The following VPS13C variants were observed in gnomAD, a reference collection of about 807,000 sequenced individuals.
VPS13C encodes intermembrane lipid transfer protein VPS13C.
In VPS13C, 358 loss-of-function variants were observed where a neutral mutation model predicts 456.8. That is an observed-to-expected ratio of 0.78 (90% confidence interval 0.72 to 0.86). The LOEUF (loss-of-function observed/expected upper bound fraction) is 0.86, where lower values mean the gene tolerates loss of function less well. Among genes scored for constraint, VPS13C ranks in the 40% least tolerant of loss-of-function variants. The pLI is 0.00. For synonymous variants in VPS13C, 1,578 were observed against 1,486.7 expected (o/e 1.06, Z -1.41); for missense variants, 4,818 against 4,385.4 (o/e 1.10, Z -2.79).
In VPS13C at chr15:62,023,392, G is replaced by A. The variant is rs1447676537; in HGVS notation, c.624+19C>T. The A allele has an allele frequency of 4.5e-6, 6 of 1,323,064 alleles. No individual in the cohort carries two copies. In the African/African-American group the frequency reaches 6.1e-5, roughly 13 times the overall value. The allele number at this position is 1,323,064 out of a possible 1,614,324, so 82.0% of individuals were successfully genotyped here. A position where few individuals can be genotyped will look rare whatever the true frequency, so the allele number is the denominator to read the frequency against. On this transcript the variant is annotated intron_variant, in intron 8 of 84. Coordinates refer to ENST00000644861, the MANE Select transcript of VPS13C (RefSeq NM_020821.3). ...AAATACATATTTAATTATTAACTGA[G>A]TAAATAAAAATTACTTACATCATCT...
At chr15:62,044,733 ATGT>A (rs2048349870) in intron 1 of VPS13C, among the ~76,000 whole-genome samples, 2 of 152,262 alleles carry the variant, frequency 1.3e-5, no homozygotes, top group Admixed American at 6.5e-5. Context: ...TGATTACTGT[ATGT>A]GCTTCTAATA....
chr15:61,889,005 C>T (rs147658878), intron 67 of VPS13C, among the ~76,000 whole-genome samples: 200 of 152,110 alleles, frequency 1.3e-3, no homozygotes, highest in African/African-American at 4.5e-3. Context: ...TTTCTCTAGA[C>T]ATAAGGCTGC....
chr15:61,878,829 C>G, intron 73 of VPS13C, 83 bp from the exon 74 acceptor site: 1 of 1,425,722 alleles, frequency 7.0e-7, no homozygotes, highest in Non-Finnish European at 9.2e-7. Flanking sequence ...CAGAAACAAA[C>G]CAAAAAAAGT....
chr15:62,020,096 G>GCA (rs1006136659), intron 9 of VPS13C, among the ~76,000 whole-genome samples: 5 of 147,922 alleles, frequency 3.4e-5, no homozygotes, highest in African/African-American at 5.2e-5. Flanking sequence ...ATGAGTGTGC[G>GCA]CACACACACA....
chr15:61,904,900 G>A (rs188848224), intron 66 of VPS13C, among the ~76,000 whole-genome samples: 2 of 151,782 alleles, frequency 1.3e-5, no homozygotes, highest in Non-Finnish European at 2.9e-5. Flanking sequence ...AATAGCACAT[G>A]TTCTCACTCA....
chr15:62,046,113 G>A (rs1167902501), intron 1 of VPS13C, among the ~76,000 whole-genome samples: 2 of 152,062 alleles, frequency 1.3e-5, no homozygotes, highest in Non-Finnish European at 2.9e-5. Flanking sequence ...TATAATAAAG[G>A]AAGAAAAGGA....
intron 82 of VPS13C, among the ~76,000 whole-genome samples, chr15:61,860,830 A>C (rs1391623442): frequency 6.6e-6 from 1 of 152,114 alleles, no homozygotes; most frequent in East Asian, 1.9e-4. Flanking sequence ...TCTGTTATTC[A>C]AACCAGGATG....
intron 1 of VPS13C, among the ~76,000 whole-genome samples, chr15:62,059,541 T>C (rs1201050588): frequency 6.6e-6 from 1 of 152,234 alleles, no homozygotes. Flanking sequence ...ATAAAAACGT[T>C]GGCATAAATT....
intron 37 of VPS13C, 22 bp from the exon 38 acceptor site, chr15:61,954,576 C>A (rs778394687): frequency 1.3e-6 from 2 of 1,564,218 alleles, no homozygotes; most frequent in South Asian, 1.2e-5. Context: ...AAAAGAAATT[C>A]ATTACTTTTA....
chr15:61,961,434 CACACACACAA>C (rs1302646066), intron 35 of VPS13C, among the ~76,000 whole-genome samples, 145 bp downstream of exon 35: 2 of 105,556 alleles, frequency 1.9e-5, no homozygotes, highest in South Asian at 2.9e-4. Context: ...CACACACACA[CACACACACAA>C]AACAATGACA....
chr15:61,949,350 C>T, intron 42 of VPS13C, 93 bp downstream of exon 42: 1 of 1,424,844 alleles, frequency 7.0e-7, no homozygotes, highest in Non-Finnish European at 9.6e-7. Flanking sequence ...GCAATGTCAA[C>T]ATGCTAAATA....
rs1245179088 is a variant in VPS13C, at chr15:62,037,336, ATATATAATATATTATATATAAATG to A, written c.188-2308_188-2285del. Among the ~76,000 whole-genome samples the A allele has an allele frequency of 9.7e-3, 857 of 88,720 alleles. 31 individuals carry two copies. Among genetic ancestry groups the A allele is most frequent in the Non-Finnish European group, 0.014 (676 of 47,948 alleles). The allele number at this position is 88,720 out of a possible 152,430, so 58.2% of individuals were successfully genotyped here. ...AATATATTATATATTATATACATTT[ATATATAATATATTATATATAAATG>A]TATATAATATATTATATATAAATGT... On this transcript the variant is annotated intron_variant, in intron 3 of 84. Transcript: ENST00000644861.
intron 64 of VPS13C, among the ~76,000 whole-genome samples, 153 bp from the exon 65 acceptor site, chr15:61,909,278 G>T (rs1323348341): frequency 6.6e-6 from 1 of 152,134 alleles, no homozygotes; most frequent in African/African-American, 2.4e-5. Context: ...CGCCATCTCG[G>T]GTTACTGCAA....
chr15:61,997,941 C>A (rs2046446666), intron 16 of VPS13C, among the ~76,000 whole-genome samples: 1 of 152,098 alleles, frequency 6.6e-6, no homozygotes, highest in Non-Finnish European at 1.5e-5. Flanking sequence ...TATTAGTTTC[C>A]CAATTCAGAG....
intron 46 of VPS13C, among the ~76,000 whole-genome samples, chr15:61,941,207 A>G (rs774448730): frequency 5.3e-5 from 8 of 152,182 alleles, no homozygotes; most frequent in Non-Finnish European, 7.3e-5. Context: ...CTCAAGGGGG[A>G]AACTCAACTA....
chr15:61,936,847 AC>A, intron 47 of VPS13C, 97 bp from the exon 48 acceptor site: 1 of 1,250,370 alleles, frequency 8.0e-7, no homozygotes, highest in Non-Finnish European at 1.1e-6. Context: ...TTAATTGTTC[AC>A]CTACTTAAAA....
At chr15:62,042,599 G>A (rs377365329) in intron 2 of VPS13C, among the ~76,000 whole-genome samples, 1 of 151,906 alleles carries the variant, frequency 6.6e-6, no homozygotes, top group East Asian at 1.9e-4. Context: ...AAATTCAAGG[G>A]AATTCGCATT....
rs1332983098 is a variant in VPS13C, at chr15:62,028,347, T to C, written c.448+11A>G. On this transcript the variant is annotated intron_variant, in intron 6 of 84. Coordinates refer to ENST00000644861, the MANE Select transcript of VPS13C (RefSeq NM_020821.3). ...TTATATAGTTGAATATAATTAACCA[T>C]GCATACCCACCAGGCTTGATGTCCT... 5.6e-6 allele frequency: 9 copies of C among 1,612,452 alleles called. No individual in the cohort carries two copies. The highest frequency in any genetic ancestry group is 1.7e-5 in the Admixed American group (1 of 59,954).
chr15:61,907,254 C>G lies in VPS13C; in HGVS notation c.9105+10G>C, dbSNP rs1029389890. 1.9e-6 allele frequency: 3 copies of G among 1,613,498 alleles called. No individual in the cohort carries two copies. Among genetic ancestry groups the G allele is most frequent in the Middle Eastern group, 1.7e-4 (1 of 6,054 alleles). On this transcript the variant is annotated intron_variant, in intron 66 of 84. Coordinates refer to ENST00000644861, the MANE Select transcript of VPS13C (RefSeq NM_020821.3). Reference sequence around the variant, plus strand: ...TAACTCATATAGCACTCATTCACATCAAAAGATACCTTTAACAGATCATGT... The same window carrying G: ...TAACTCATATAGCACTCATTCACATGAAAAGATACCTTTAACAGATCATGT...
Sources: allele counts gnomAD v4.1 joint callset (sites outside exome capture counted in the v4.1 genomes callset), GRCh38; gene constraint gnomAD v4.1.1; transcripts MANE v1.5; gene names NCBI Gene and HGNC (gene_info 2026-07-23, HGNC 2026-07-21).